The following PSMD13 variants were observed in gnomAD, a reference collection of about 807,000 sequenced individuals.
The protein encoded by PSMD13 is 26S proteasome non-ATPase regulatory subunit 13.
Under a neutral mutation model 57.4 loss-of-function variants are expected in PSMD13, and 8 were observed. That is an observed-to-expected ratio of 0.14 (90% CI 0.08 to 0.25). The LOEUF is 0.25. Ranked by LOEUF, PSMD13 falls within the 10% of genes least tolerant of loss-of-function variation. The pLI is 1.00. For synonymous variants in PSMD13, 193 were observed against 168.2 expected, an observed-to-expected ratio of 1.15 and a Z score of -1.14; for missense variants, 400 against 461.5, an observed-to-expected ratio of 0.87 and a Z score of 1.22.
Position 251,996 on chromosome 11 carries a change from G to A in PSMD13, c.1035+60G>A, listed in dbSNP as rs1252248826. On this transcript the variant is annotated intron_variant, in intron 12 of 12. Transcript: ENST00000532097. The surrounding 1 kb of genome is among the most constrained non-coding windows in gnomAD (Gnocchi z 4.6). Reference sequence around the variant, plus strand: ...GATTTTGAGGGGTTGTGTCTATACCGTCTTAGTTTCATTTGGATGGAAGCC... The same window carrying A: ...GATTTTGAGGGGTTGTGTCTATACCATCTTAGTTTCATTTGGATGGAAGCC... The A allele has an allele frequency of 3.8e-5, 56 of 1,465,740 alleles. No homozygotes were observed. The highest frequency in any genetic ancestry group is 5.6e-5 in the African/African-American group (4 of 71,202). The allele number at this position is 1,465,740 out of a possible 1,614,324, so 90.8% of individuals were successfully genotyped here. A position where few individuals can be genotyped will look rare whatever the true frequency, so the allele number is the denominator to read the frequency against.
chr11:237,539 G>A (rs893719840), intron 1 of PSMD13, among the ~76,000 whole-genome samples: 1 of 152,198 alleles, frequency 6.6e-6, no homozygotes, highest in Non-Finnish European at 1.5e-5. Flanking sequence ...CCCACTTTGG[G>A]AAACATGTTG....
chr11:243,066 T>G, intron 2 of PSMD13: 1 of 418,884 alleles, frequency 2.4e-6, no homozygotes, highest in Non-Finnish European at 4.8e-6. Context: ...AGTGCTGGGA[T>G]TACAGGCGTG....
In PSMD13 at chr11:249,019, G is replaced by C. The variant is rs533055975; in HGVS notation, c.736G>C (p.Glu246Gln). The C allele has an allele frequency of 2.5e-6, 4 of 1,613,818 alleles. No individual in the cohort carries two copies. The highest frequency in any genetic ancestry group is 1.3e-5 in the African/African-American group (1 of 75,034). Residue 246 changes from glutamate to glutamine, a missense_variant, in exon 9 of 13, where the codon GAG becomes CAG. Physicochemically the swap from Glu to Gln is conservative, Grantham distance 29. Transcript: ENST00000532097. ...CTATGCCTTCAACAGTGGCAACGTA[G>C]AGCGGTTCCAGACTCTGAAGACTGC... is the stretch of plus-strand genomic sequence containing the variant. Reference protein sequence around the residue: ...TLYAFNSGNVERFQTLKTAWG... With the variant: ...TLYAFNSGNVQRFQTLKTAWG...
In PSMD13 at chr11:252,448, C is replaced by G. The variant is rs1859782811; in HGVS notation, c.1036-57C>G. Reference sequence around the variant, plus strand: ...ACCCCATCAGGTGCTGTGCCGGCCGCTCGGCCTGTGTCTCCTGCGTGTCTT... The same window carrying G: ...ACCCCATCAGGTGCTGTGCCGGCCGGTCGGCCTGTGTCTCCTGCGTGTCTT... On this transcript the variant is annotated intron_variant, in intron 12 of 12. Transcript: ENST00000532097. This position sits in a 1 kb window ranked among gnomAD's most constrained non-coding sequence, Gnocchi z 4.1. The G allele has an allele frequency of 6.4e-7, 1 of 1,559,928 alleles. No homozygotes were observed. The highest frequency in any genetic ancestry group is 1.4e-5 in the African/African-American group (1 of 73,702).
chr11:237,197 G>A lies in PSMD13; in HGVS notation c.95+53G>A, dbSNP rs558803441. 4.7e-5 allele frequency: 72 copies of A among 1,538,836 alleles called. 4 individuals carry two copies. In the South Asian group the frequency reaches 7.9e-4, roughly 17 times the overall value. ...CCCCGGCGATAGAGGGAGACGGAGG[G>A]GGCAGGCGGGCGGAGGAGCGGACCC... is the stretch of plus-strand genomic sequence containing the variant. On this transcript the variant is annotated intron_variant, in intron 1 of 12. Coordinates refer to ENST00000532097, the MANE Select transcript of PSMD13 (RefSeq NM_002817.4).
At chr11:250,410 C>G (rs577673884) in intron 9 of PSMD13, among the ~76,000 whole-genome samples, 1 of 152,338 alleles carries the variant, frequency 6.6e-6, no homozygotes, top group African/African-American at 2.4e-5. Context: ...CTTGCACTGG[C>G]TCACTGAGCC....
chr11:251,780 C>T lies in PSMD13; in HGVS notation c.919-40C>T. On this transcript the variant is annotated intron_variant, in intron 11 of 12. Transcript: ENST00000532097. The surrounding 1 kb of genome is among the most constrained non-coding windows in gnomAD (Gnocchi z 4.6). ...GCCATCTGGGTCCATGGGGGTGTGTCAGGCTATCTTGTCTTACACACGCCT... is the reference window on the plus strand; with the variant it reads ...GCCATCTGGGTCCATGGGGGTGTGTTAGGCTATCTTGTCTTACACACGCCT... The T allele has an allele frequency of 6.3e-7, 1 of 1,589,354 alleles. No homozygotes were observed. The highest frequency in any genetic ancestry group is 8.6e-7 in the Non-Finnish European group (1 of 1,159,476).
At chr11:243,290 C>A in intron 2 of PSMD13, 1 of 414,266 alleles carries the variant, frequency 2.4e-6, no homozygotes, top group Non-Finnish European at 4.9e-6. Context: ...CCAGATTCTG[C>A]TTTTATATTG....
rs560733520 is a variant in PSMD13 at position 248,271 on chromosome 11, G to A, written c.569-505G>A. 4 of 155,728 alleles carry A rather than the reference G, an allele frequency of 2.6e-5. No homozygotes were observed. The South Asian group carries it at 7.7e-4, about 30-fold the overall frequency. The allele number at this position is 155,728 out of a possible 1,614,324, so 9.6% of individuals were successfully genotyped here. On this transcript the variant is annotated intron_variant, in intron 7 of 12. Coordinates refer to ENST00000532097, the MANE Select transcript of PSMD13 (RefSeq NM_002817.4). ...AATAAATTTTCAGCATATTTTAGAT[G>A]TTTCTCACAAAACACTGTTGAAGCT...
intron 1 of PSMD13, among the ~76,000 whole-genome samples, chr11:238,781 A>G (rs1307438179): frequency 6.6e-6 from 1 of 152,260 alleles, no homozygotes; most frequent in Non-Finnish European, 1.5e-5. Context: ...CCATAAATCA[A>G]AAATCTGAAA....
chr11:248,695 T>G lies in PSMD13; in HGVS notation c.569-81T>G, dbSNP rs1859704937. 6.7e-6 allele frequency: 9 copies of G among 1,347,952 alleles called. No homozygotes were observed. The Admixed American group carries it at 9.0e-5, about 13-fold the overall frequency. 83.5% of individuals were successfully genotyped at this position (1,347,952 alleles called of 1,614,324 possible). A position where few individuals can be genotyped will look rare whatever the true frequency, so the allele number is the denominator to read the frequency against. On this transcript the variant is annotated intron_variant, in intron 7 of 12. Transcript: ENST00000532097. Reference sequence around the variant, plus strand: ...CCATTACAAACAATGTTTTTTTACTTTTTGTTATATGAGATTTTTAAAGCT... The same window carrying G: ...CCATTACAAACAATGTTTTTTTACTGTTTGTTATATGAGATTTTTAAAGCT...
In PSMD13 at chr11:251,466, A is replaced by G. The variant is rs750396962; in HGVS notation, c.838-80A>G. The G allele has an allele frequency of 1.7e-5, 21 of 1,252,166 alleles. No individual in the cohort carries two copies. The highest frequency in any genetic ancestry group is 1.3e-5 in the South Asian group (1 of 74,468). The allele number at this position is 1,252,166 out of a possible 1,614,324, so 77.6% of individuals were successfully genotyped here. ...TAATAAGATCTCTATTTTCAGAGCC[A>G]ATATTGACAAAACATCCTTATCAGT... On this transcript the variant is annotated intron_variant, in intron 10 of 12. Transcript: ENST00000532097. This position sits in a 1 kb window ranked among gnomAD's most constrained non-coding sequence, Gnocchi z 4.6.
intron 2 of PSMD13, among the ~76,000 whole-genome samples, chr11:240,139 C>T (rs999122601): frequency 4.0e-4 from 24 of 59,866 alleles, no homozygotes; most frequent in South Asian, 6.8e-4. Context: ...GACGGAGTTT[C>T]GCTCTTGTTG....
At chr11:238,860 G>A (rs556439735) in intron 1 of PSMD13, 138 bp from the exon 2 acceptor site, 5 of 821,700 alleles carry the variant, frequency 6.1e-6, no homozygotes, top group South Asian at 2.9e-5. Context: ...GGATTTTGGA[G>A]CATTTTGAAT....
chr11:243,309 G>A (rs992803478), intron 2 of PSMD13: 10 of 391,948 alleles, frequency 2.6e-5, no homozygotes, highest in East Asian at 2.1e-4. Flanking sequence ...TGAACATCAC[G>A]ATTCCATTCT....
intron 2 of PSMD13, chr11:243,017 ATC>A (rs34437471): frequency 0.83 from 247,844 of 298,966 alleles, 102,940 homozygotes; most frequent in African/African-American, 0.89. Flanking sequence ...GATGGTTCCA[ATC>A]TCTTGACCTC....
intron 2 of PSMD13, among the ~76,000 whole-genome samples, chr11:241,505 G>T (rs1212990878): frequency 6.6e-6 from 1 of 152,154 alleles, no homozygotes; most frequent in African/African-American, 2.4e-5. Flanking sequence ...TGCTACAGGG[G>T]TGTTTTCATC....
intron 6 of PSMD13, among the ~76,000 whole-genome samples, chr11:246,873 A>G (rs374349190): frequency 2.0e-5 from 3 of 151,962 alleles, no homozygotes; most frequent in Non-Finnish European, 2.9e-5. Context: ...CCATTTTTCT[A>G]CTGTGTTGCT....
Position 252,009 on chromosome 11 carries a change from T to A in PSMD13, c.1035+73T>A. 4 of 1,382,458 alleles carry A rather than the reference T, an allele frequency of 2.9e-6. No individual in the cohort carries two copies. Among genetic ancestry groups the A allele is most frequent in the Non-Finnish European group, 4.0e-6 (4 of 990,048 alleles). The allele number at this position is 1,382,458 out of a possible 1,614,324, so 85.6% of individuals were successfully genotyped here. A position where few individuals can be genotyped will look rare whatever the true frequency, so the allele number is the denominator to read the frequency against. ...TGTGTCTATACCGTCTTAGTTTCAT[T>A]TGGATGGAAGCCATTTGGGAAGACA... is the stretch of plus-strand genomic sequence containing the variant. On this transcript the variant is annotated intron_variant, in intron 12 of 12. Transcript: ENST00000532097. The surrounding 1 kb of genome is among the most constrained non-coding windows in gnomAD (Gnocchi z 4.1).
Sources: gnomAD v4.1 joint callset for allele counts (sites outside exome capture counted in the v4.1 genomes callset) on GRCh38, gnomAD v4.1.1 for gene constraint, Gnocchi (gnomAD v3.1) non-coding constraint, MANE v1.5 for transcripts, NCBI Gene and HGNC (gene_info 2026-07-23, HGNC 2026-07-21) for gene names.